Variants in OTOF observed in about 807,000 individuals in gnomAD.
The protein encoded by OTOF is otoferlin, also known as fer-1-like family member 2.
A neutral mutation model predicts 236.8 loss-of-function variants in OTOF; 218 were observed. The ratio of observed to expected loss-of-function variants is 0.92; its 90% CI spans 0.82 to 1.03. The LOEUF (loss-of-function observed/expected upper bound fraction) is 1.03, where lower values mean the gene tolerates loss of function less well. Ranked by LOEUF, OTOF falls within the 50% of genes least tolerant of loss-of-function variation. The probability of loss-of-function intolerance (pLI) is 0.00; values close to 1 mark genes in which losing one functional copy is unlikely to be tolerated. For missense variants in OTOF, 2,590 were observed against 2,694.4 expected, an observed-to-expected ratio of 0.96 and a Z score of 0.86; for synonymous variants, 1,041 against 1,072.5, an observed-to-expected ratio of 0.97 and a Z score of 0.57.
intron 15 of OTOF, 81 bp from the exon 16 acceptor site, chr2:26,480,392 A>T (rs925339784): frequency 4.5e-6 from 4 of 883,822 alleles, no homozygotes; most frequent in Non-Finnish European, 7.5e-6. Flanking sequence ...CGTCTCACAG[A>T]CAGGCCGTGG....
At chr2:26,486,011 G>A (rs957385523) in intron 11 of OTOF, among the ~76,000 whole-genome samples, 1 of 152,242 alleles carries the variant, frequency 6.6e-6, no homozygotes, top group Non-Finnish European at 1.5e-5. Flanking sequence ...TGGACAGAAA[G>A]CTCAATGAAT....
chr2:26,540,361 C>T (rs1026855992), intron 1 of OTOF, among the ~76,000 whole-genome samples: 3 of 152,176 alleles, frequency 2.0e-5, no homozygotes, highest in Admixed American at 6.5e-5. Flanking sequence ...ATGGGTGGAG[C>T]GGACTGTGCT....
intron 3 of OTOF, among the ~76,000 whole-genome samples, chr2:26,523,646 C>T (rs1483955344): frequency 1.3e-5 from 2 of 152,228 alleles, no homozygotes; most frequent in African/African-American, 4.8e-5. Context: ...CCTTGTATAC[C>T]TACCCTCTGC....
chr2:26,483,087 GCA>G (rs1491222841), intron 13 of OTOF, among the ~76,000 whole-genome samples: 1 of 151,134 alleles, frequency 6.6e-6, no homozygotes, highest in Non-Finnish European at 1.5e-5. Context: ...GTGAATGGGT[GCA>G]TGTGTGTGTG....
intron 8 of OTOF, among the ~76,000 whole-genome samples, chr2:26,496,360 A>G (rs951382557): frequency 1.3e-5 from 2 of 150,296 alleles, no homozygotes; most frequent in Admixed American, 1.3e-4. Context: ...CCAGCCTCCC[A>G]AGTAGCTGGG....
rs374029967 is a variant in OTOF at position 26,479,556 on chromosome 2, G to A, written c.2010C>T (p.Asn670=). Residue 670 remains asparagine (N), a synonymous_variant, in exon 17 of 47, where the codon AAC becomes AAT. Coordinates refer to ENST00000272371, the MANE Select transcript of OTOF (RefSeq NM_194248.3). ...CATCACCGGCCTCGTCATCACTTGC[G>A]TTCTGAATCAGGTCTACTTCTTCCT... ...GDEEEVDLIQ[N]ASDDEAGDAG... The A allele has an allele frequency of 2.4e-5, 38 of 1,612,486 alleles. No individual in the cohort carries two copies. Among genetic ancestry groups the A allele is most frequent in the East Asian group, 1.1e-4 (5 of 44,872 alleles).
rs1350998876 is a variant in OTOF, at chr2:26,477,026, G to A, written c.2541C>T (p.Pro847=). The part of the protein sequence containing the change: ...FLADEPQHSI[P]DIFIWMMSNN... ...TGCTCATCATCCAGATGAAGATGTCGGGAATGCTGTGCTGGGGCTGGGGGT... is the reference window on the plus strand; with the variant it reads ...TGCTCATCATCCAGATGAAGATGTCAGGAATGCTGTGCTGGGGCTGGGGGT... Residue 847 remains proline (P), a synonymous_variant, in exon 22 of 47, where the codon CCC becomes CCT. Coordinates refer to ENST00000272371, the MANE Select transcript of OTOF (RefSeq NM_194248.3). The surrounding 1 kb of genome is among the most constrained non-coding windows in gnomAD (Gnocchi z 4.7). 7 of 1,598,970 alleles carry A rather than the reference G, an allele frequency of 4.4e-6. No homozygotes were observed. The highest frequency in any genetic ancestry group is 2.7e-5 in the African/African-American group (2 of 74,598).
rs964122390 is a variant in OTOF at position 26,457,920 on chromosome 2, C to T, written c.*318G>A. On this transcript the variant is annotated 3_prime_UTR_variant, in exon 47 of 47. Coordinates refer to ENST00000272371, the MANE Select transcript of OTOF (RefSeq NM_194248.3). This position sits in a 1 kb window ranked among gnomAD's most constrained non-coding sequence, Gnocchi z 4.4. ...CCCGCAAGCAGGAGGCAGGCTCGGC[C>T]CAAGGCATGAAGAGTGGACGCTGGG... 4.7e-6 allele frequency: 5 copies of T among 1,065,650 alleles called. No individual in the cohort carries two copies. In the African/African-American group the frequency reaches 7.9e-5, roughly 17 times the overall value. 66.0% of individuals were successfully genotyped at this position (1,065,650 alleles called of 1,614,324 possible).
At chr2:26,466,309 T>C (rs1664723397) in intron 36 of OTOF, 1 of 590,312 alleles carries the variant, frequency 1.7e-6, no homozygotes, top group Admixed American at 3.0e-5. Flanking sequence ...TGCCTCCCAG[T>C]CTGGGGCTGT....
At chr2:26,524,847 C>T (rs72856051) in intron 3 of OTOF, among the ~76,000 whole-genome samples, 105 of 152,354 alleles carry the variant, frequency 6.9e-4, no homozygotes, top group African/African-American at 2.5e-3. Flanking sequence ...GACTTGGTTT[C>T]CCCTCCTGCA....
In OTOF at chr2:26,554,387, C is replaced by G. The variant is rs578170635; in HGVS notation, c.79+4106G>C. Among the ~76,000 whole-genome samples, 64 of 152,178 alleles carry G rather than the reference C, an allele frequency of 4.2e-4. 1 individual carries two copies. The South Asian group carries it at 0.013, about 31-fold the overall frequency. Reference sequence around the variant, plus strand: ...GTGACAGTGCCACAGTGGAAGAACTCAAACCCATGACACAGTGAATCCCTC... The same window carrying G: ...GTGACAGTGCCACAGTGGAAGAACTGAAACCCATGACACAGTGAATCCCTC... On this transcript the variant is annotated intron_variant, in intron 1 of 46. Coordinates refer to ENST00000272371, the MANE Select transcript of OTOF (RefSeq NM_194248.3).
Position 26,460,340 on chromosome 2 carries a change from G to A in OTOF, c.5814-135C>T. Reference sequence around the variant, plus strand: ...TCTAGGCACCCCTCTGGCCATCAAGGCTGGCCATGGCCCCAGAGGCCACCA... The same window carrying A: ...TCTAGGCACCCCTCTGGCCATCAAGACTGGCCATGGCCCCAGAGGCCACCA... On this transcript the variant is annotated intron_variant, in intron 45 of 46. Transcript: ENST00000272371. This position sits in a 1 kb window ranked among gnomAD's most constrained non-coding sequence, Gnocchi z 5.3. 1.3e-6 allele frequency: 1 copy of A among 754,476 alleles called. No individual in the cohort carries two copies. The highest frequency in any genetic ancestry group is 2.2e-6 in the Non-Finnish European group (1 of 445,616). The allele number at this position is 754,476 out of a possible 1,614,324, so 46.7% of individuals were successfully genotyped here.
In OTOF at chr2:26,470,557, G is replaced by A. The variant is rs1193313712; in HGVS notation, c.4023+36C>T. On this transcript the variant is annotated intron_variant, in intron 32 of 46. Transcript: ENST00000272371. This position sits in a 1 kb window ranked among gnomAD's most constrained non-coding sequence, Gnocchi z 4.3. Reference sequence around the variant, plus strand: ...CTGGACAGGAGGGTCTGAGTGTGGAGGGGGTCACCTCCCCTCACCCTACCC... The same window carrying A: ...CTGGACAGGAGGGTCTGAGTGTGGAAGGGGTCACCTCCCCTCACCCTACCC... The A allele has an allele frequency of 1.2e-6, 2 of 1,608,160 alleles. No individual in the cohort carries two copies. The highest frequency in any genetic ancestry group is 2.2e-5 in the South Asian group (2 of 90,958).
chr2:26,484,882 G>A (rs1665664732), intron 11 of OTOF, among the ~76,000 whole-genome samples: 2 of 152,184 alleles, frequency 1.3e-5, no homozygotes, highest in Non-Finnish European at 1.5e-5. Flanking sequence ...TTGGAAGCAC[G>A]ACAGCCTCCT....
At chr2:26,541,100 C>T (rs1215451919) in intron 1 of OTOF, among the ~76,000 whole-genome samples, 4 of 152,210 alleles carry the variant, frequency 2.6e-5, no homozygotes, top group African/African-American at 9.6e-5. Context: ...TTTTAATAAG[C>T]CTCGGATATA....
intron 5 of OTOF, among the ~76,000 whole-genome samples, chr2:26,506,491 C>G (rs7593974): frequency 6.6e-6 from 1 of 151,958 alleles, no homozygotes; most frequent in Admixed American, 6.5e-5. Flanking sequence ...GCCGGCTGCC[C>G]GGCCTGCTGG....
chr2:26,502,376 G>A lies in OTOF; in HGVS notation c.634C>T (p.Leu212=). ...MEDLDHLAIR[L]GDGLDPDSVS... is the part of the protein sequence containing the mutation. Reference sequence around the variant, plus strand: ...GAGTCGGGATCCAGTCCATCTCCTAGCCGAATGGCCAGATGGTCAAGGTCT... The same window carrying A: ...GAGTCGGGATCCAGTCCATCTCCTAACCGAATGGCCAGATGGTCAAGGTCT... Residue 212 remains leucine, a synonymous_variant, in exon 7 of 47, where the codon CTA becomes TTA. Transcript: ENST00000272371. 2 of 1,613,868 alleles carry A rather than the reference G, an allele frequency of 1.2e-6. No individual in the cohort carries two copies. The highest frequency in any genetic ancestry group is 1.7e-6 in the Non-Finnish European group (2 of 1,179,858).
chr2:26,475,595 G>T, intron 24 of OTOF, 102 bp from the exon 25 acceptor site: 1 of 1,312,884 alleles, frequency 7.6e-7, no homozygotes, highest in Non-Finnish European at 1.1e-6. Flanking sequence ...GAACCTGGGG[G>T]CAGGAGTGAC....
At chr2:26,508,271 G>A (rs1434329096) in intron 5 of OTOF, among the ~76,000 whole-genome samples, 3 of 152,202 alleles carry the variant, frequency 2.0e-5, no homozygotes, top group African/African-American at 7.2e-5. Flanking sequence ...AAACCTCGGA[G>A]CATGTTATCC....
Sources: allele counts gnomAD v4.1 joint callset (sites outside exome capture counted in the v4.1 genomes callset), GRCh38; gene constraint gnomAD v4.1.1; non-coding constraint Gnocchi (gnomAD v3.1); transcripts MANE v1.5; gene names NCBI Gene and HGNC (gene_info 2026-07-23, HGNC 2026-07-21).